Variants in CCM2L observed in about 807,000 individuals in gnomAD.
CCM2L encodes the protein cerebral cavernous malformations 2 protein-like.
In CCM2L, 36 loss-of-function variants were observed where a neutral mutation model predicts 54.1. The observed-to-expected ratio is 0.67, with a 90% CI of 0.51 to 0.88. The LOEUF (loss-of-function observed/expected upper bound fraction) is 0.88. Among genes scored for constraint, CCM2L ranks in the 40% least tolerant of loss-of-function variants. The pLI, the probability that CCM2L is intolerant of heterozygous loss-of-function variation, is 0.00. For synonymous variants in CCM2L, 351 were observed against 359.3 expected, an observed-to-expected ratio of 0.98 and a Z score of 0.26; for missense variants, 700 against 812.1, an observed-to-expected ratio of 0.86 and a Z score of 1.68.
chr20:32,019,687 C>T (rs1303517864), intron 5 of CCM2L, among the ~76,000 whole-genome samples: 1 of 152,204 alleles, frequency 6.6e-6, no homozygotes, highest in Non-Finnish European at 1.5e-5. Flanking sequence ...GGCCCCACCA[C>T]AGTAACATTC....
intron 8 of CCM2L, among the ~76,000 whole-genome samples, chr20:32,029,369 C>A (rs754853494): frequency 2.0e-5 from 3 of 152,288 alleles, no homozygotes; most frequent in Admixed American, 6.5e-5. Flanking sequence ...TGCATTATTT[C>A]TTTTAATCTT....
At chr20:32,012,753 G>T (rs908016069) in intron 1 of CCM2L, among the ~76,000 whole-genome samples, 1 of 152,184 alleles carries the variant, frequency 6.6e-6, no homozygotes, top group African/African-American at 2.4e-5. Context: ...GGTCTCCACT[G>T]AATCCTCAGC....
Position 32,029,850 on chromosome 20 carries a change from C to A in CCM2L, c.1402+12C>A, listed in dbSNP as rs1414426126. 6.3e-7 allele frequency: 1 copy of A among 1,589,262 alleles called. No homozygotes were observed. The highest frequency in any genetic ancestry group is 8.6e-7 in the Non-Finnish European group (1 of 1,165,434). The stretch of plus-strand genomic sequence containing the variant: ...GTTCCTCCTCCTTGGTGAGCCCCCG[C>A]TGTACCCCCAGAGGTCAGCTAGGGC... On this transcript the variant is annotated intron_variant, in intron 9 of 9. Coordinates refer to ENST00000452892, the MANE Select transcript of CCM2L (RefSeq NM_001365692.1).
At chr20:32,023,590 C>T (rs2064827183) in intron 6 of CCM2L, among the ~76,000 whole-genome samples, 1 of 152,264 alleles carries the variant, frequency 6.6e-6, no homozygotes, top group South Asian at 2.1e-4. Flanking sequence ...GCAACCTTGC[C>T]TGTCCTCTTT....
In CCM2L at chr20:32,025,087, CTTTCT is replaced by C. The variant is rs748112896; in HGVS notation, c.1070-754_1070-750del. Among the ~76,000 whole-genome samples the C allele has an allele frequency of 9.7e-4, 145 of 150,140 alleles. 1 individual carries two copies. Among genetic ancestry groups the C allele is most frequent in the Non-Finnish European group, 1.4e-3 (95 of 67,860 alleles). On this transcript the variant is annotated intron_variant, in intron 6 of 9. Transcript: ENST00000452892. The stretch of plus-strand genomic sequence containing the variant: ...TCTTTCTTTCTTTCTTTCTTTCTCT[CTTTCT>C]TTTCTTTTCTTTTCCTTCCCCTTCC...
Position 32,031,936 on chromosome 20 carries a change from G to A in CCM2L, c.*622G>A, listed in dbSNP as rs2064934855. On this transcript the variant is annotated 3_prime_UTR_variant, in exon 10 of 10. Transcript: ENST00000452892. ...TTCCTCCACCCAGGGTTGACTCAGG[G>A]GGATGATCTGGGTCCCATTCTGGTC... The A allele has an allele frequency of 6.6e-6, 1 of 152,110 alleles. No homozygotes were observed. 9.4% of individuals were successfully genotyped at this position (152,110 alleles called of 1,614,324 possible).
intron 5 of CCM2L, 51 bp downstream of exon 5, chr20:32,019,460 T>TCCCCCCCCCCCCCCTTCCCCC: frequency 1.5e-6 from 2 of 1,327,610 alleles, no homozygotes; most frequent in Non-Finnish European, 9.9e-7. Context: ...GAACGCTGCT[T>TCCCCCCCCCCCCCCTTCCCCC]CCCCGCCCCC....
At position 32,029,119 on chromosome 20, in the gene CCM2L, G is replaced by T; in HGVS notation, c.1258G>T (p.Val420Phe). The T allele has an allele frequency of 6.2e-7, 1 of 1,614,210 alleles. No homozygotes were observed. The highest frequency in any genetic ancestry group is 8.5e-7 in the Non-Finnish European group (1 of 1,180,024). The change falls in exon 8 of 10, where the codon GTC becomes TTC. Residue 420 changes from valine to phenylalanine, a missense_variant. By Grantham distance (50) the Val-to-Phe change is conservative. Transcript: ENST00000452892. Reference protein sequence around the residue: ...LGLEQLQDYMVTLRSKLGPLE... With the variant: ...LGLEQLQDYMFTLRSKLGPLE... Reference sequence around the variant, plus strand: ...CTTGGAGCAGTTACAGGATTACATGGTCACGGTGAGCTGGGGCCGGTGGTG... The same window carrying T: ...CTTGGAGCAGTTACAGGATTACATGTTCACGGTGAGCTGGGGCCGGTGGTG...
In CCM2L at chr20:32,019,400, A is replaced by G. The variant is rs1348278415; in HGVS notation, c.924A>G (p.Val308=). 6 of 1,528,362 alleles carry G rather than the reference A, an allele frequency of 3.9e-6. No individual in the cohort carries two copies. The Admixed American group carries it at 1.2e-4, about 30-fold the overall frequency. The allele number at this position is 1,528,362 out of a possible 1,614,324, so 94.7% of individuals were successfully genotyped here. A position where few individuals can be genotyped will look rare whatever the true frequency, so the allele number is the denominator to read the frequency against. ...DAYCNLVILA[V]ANRDAAEESC... is the part of the protein sequence containing the mutation. ...ACTGCAACCTGGTCATCCTGGCTGT[A>G]GCCAACAGGGTGAGCCCGAGGGCAG... The change falls in exon 5 of 10, where the codon GTA becomes GTG. Residue 308 remains valine (V), a synonymous_variant. Transcript: ENST00000452892.
At chr20:32,010,509 A>G (rs776266841) in intron 1 of CCM2L, 25 bp downstream of exon 1, 1 of 1,437,426 alleles carries the variant, frequency 7.0e-7, no homozygotes, top group South Asian at 1.2e-5. Flanking sequence ...GGGAGGGACG[A>G]AGGGAGAGGA....
intron 5 of CCM2L, among the ~76,000 whole-genome samples, 178 bp from the exon 6 acceptor site, chr20:32,022,482 G>T (rs1447871868): frequency 6.6e-6 from 1 of 152,154 alleles, no homozygotes; most frequent in Non-Finnish European, 1.5e-5. Context: ...TTCTATAAAG[G>T]GGTTCTAAGA....
rs1600669601 is a variant in CCM2L, at chr20:32,011,396, G to C, written c.30+912G>C. Among the ~76,000 whole-genome samples the C allele has an allele frequency of 1.3e-5, 2 of 152,246 alleles. 1 individual carries two copies. Among genetic ancestry groups the C allele is most frequent in the South Asian group, 4.1e-4 (2 of 4,826 alleles). On this transcript the variant is annotated intron_variant, in intron 1 of 9. Transcript: ENST00000452892. ...GAGGCGGGTGGATCACCTGAGGTCA[G>C]GGGTTCGAGACCAGCCAGGCCAACA... is the stretch of plus-strand genomic sequence containing the variant.
intron 7 of CCM2L, among the ~76,000 whole-genome samples, chr20:32,026,916 C>T (rs2064867116): frequency 6.6e-6 from 1 of 151,806 alleles, no homozygotes; most frequent in South Asian, 2.1e-4. Flanking sequence ...GTCATGGTGG[C>T]TCACGCCTGT....
intron 4 of CCM2L, 122 bp downstream of exon 4, chr20:32,018,284 A>C: frequency 3.9e-6 from 3 of 771,626 alleles, no homozygotes; most frequent in Non-Finnish European, 3.8e-6. Context: ...AAGGAGAGGG[A>C]CCTGCGGCGG....
At chr20:32,022,228 C>T (rs1175166731) in intron 5 of CCM2L, among the ~76,000 whole-genome samples, 1 of 152,130 alleles carries the variant, frequency 6.6e-6, no homozygotes, top group East Asian at 1.9e-4. Flanking sequence ...AATATGGCTT[C>T]CAGTATTAGT....
chr20:32,018,863 G>T, intron 4 of CCM2L, 80 bp from the exon 5 acceptor site: 1 of 1,235,816 alleles, frequency 8.1e-7, no homozygotes, highest in Non-Finnish European at 1.0e-6. Context: ...CGCGAGGTCA[G>T]GTGGCCAGCC....
chr20:32,014,979 C>A lies in CCM2L; in HGVS notation c.106C>A (p.Arg36Ser), dbSNP rs545553537. The part of the protein sequence containing the change: ...RRAACRSSVS[R>S]RPLHSMPLYP... ...GGCAGCCTGTAGGAGCAGCGTGAGC[C>A]GCCGGCCCCTGCACTCGATGCCCCT... is the stretch of plus-strand genomic sequence containing the variant. The change falls in exon 2 of 10, where the codon CGC (arginine) becomes AGC (serine). Residue 36 changes from arginine (R) to serine (S), a missense_variant. By Grantham distance (110) the Arg-to-Ser change is moderately radical. Transcript: ENST00000452892. 1.3e-6 allele frequency: 2 copies of A among 1,591,792 alleles called. No individual in the cohort carries two copies. Among genetic ancestry groups the A allele is most frequent in the Non-Finnish European group, 1.7e-6 (2 of 1,170,334 alleles).
intron 1 of CCM2L, among the ~76,000 whole-genome samples, chr20:32,012,131 C>A (rs2064700708): frequency 6.6e-6 from 1 of 151,992 alleles, no homozygotes; most frequent in African/African-American, 2.4e-5. Flanking sequence ...CTACATACCC[C>A]ATCCTGGCTC....
chr20:32,028,806 C>T (rs553076563), intron 7 of CCM2L, 189 bp from the exon 8 acceptor site: 59 of 642,796 alleles, frequency 9.2e-5, no homozygotes, highest in South Asian at 8.9e-4. Context: ...GGGTGGGGGG[C>T]GCGAAGCACA....
Sources: allele counts gnomAD v4.1 joint callset (sites outside exome capture counted in the v4.1 genomes callset), GRCh38; gene constraint gnomAD v4.1.1; transcripts MANE v1.5; gene names NCBI Gene and HGNC (gene_info 2026-07-23, HGNC 2026-07-21).